The following XYLT1 variants were observed in gnomAD, a reference collection of about 807,000 sequenced individuals.
XYLT1 encodes the protein beta-D-xylosyltransferase 1.
XYLT1 carries 36 observed loss-of-function variants against 91.3 expected under a neutral mutation model. The ratio of observed to expected loss-of-function variants is 0.39; its 90% CI spans 0.30 to 0.52. The LOEUF (loss-of-function observed/expected upper bound fraction) is 0.52. Among genes scored for constraint, XYLT1 ranks in the 20% least tolerant of loss-of-function variants. The pLI is 0.68. For missense variants in XYLT1, 1,242 were observed against 1,284.5 expected, an observed-to-expected ratio of 0.97 and a Z score of 0.51; for synonymous variants, 588 against 532.0, an observed-to-expected ratio of 1.11 and a Z score of -1.45.
rs1434502967 is a variant in XYLT1 at position 17,154,225 on chromosome 16, C to A, written c.1370+4604G>T. Reference sequence around the variant, plus strand: ...AGGCATGGCCTGTCGAAGCCATTTGCTGACATCCCATGGCTGTGGTATAGA... The same window carrying A: ...AGGCATGGCCTGTCGAAGCCATTTGATGACATCCCATGGCTGTGGTATAGA... On this transcript the variant is annotated intron_variant, in intron 6 of 11. Transcript: ENST00000261381. 2.0e-5 allele frequency among the ~76,000 whole-genome samples: 3 copies of A among 152,192 alleles called. No individual in the cohort carries two copies. In the East Asian group the frequency reaches 5.8e-4, roughly 29 times the overall value.
At chr16:17,111,257 G>A (rs933361482) in intron 11 of XYLT1, among the ~76,000 whole-genome samples, 6 of 152,218 alleles carry the variant, frequency 3.9e-5, no homozygotes, top group African/African-American at 1.4e-4. Context: ...AGGGCTGCAC[G>A]ATGAGGAATC....
At chr16:17,338,523 TC>T (rs1165893725) in intron 2 of XYLT1, 11 of 456,072 alleles carry the variant, frequency 2.4e-5, no homozygotes, top group African/African-American at 1.8e-4. Context: ...ATATTGTATT[TC>T]TTGTGATTTT....
chr16:17,290,634 A>G (rs2034208775), intron 2 of XYLT1, among the ~76,000 whole-genome samples: 2 of 152,378 alleles, frequency 1.3e-5, no homozygotes, highest in Admixed American at 6.5e-5. Flanking sequence ...TGCAAATGAC[A>G]TGGGCTTTCT....
At chr16:17,448,773 A>T (rs890935530) in intron 1 of XYLT1, among the ~76,000 whole-genome samples, 20 of 152,024 alleles carry the variant, frequency 1.3e-4, no homozygotes, top group Non-Finnish European at 2.2e-4. Flanking sequence ...GAGGAAGAGG[A>T]GGAGGAAGCA....
At chr16:17,282,467 T>C (rs2034072402) in intron 2 of XYLT1, among the ~76,000 whole-genome samples, 1 of 152,274 alleles carries the variant, frequency 6.6e-6, no homozygotes, top group African/African-American at 2.4e-5. Flanking sequence ...ATAACAACAT[T>C]TGGTTTGCCT....
At chr16:17,430,534 T>G (rs1057288058) in intron 1 of XYLT1, among the ~76,000 whole-genome samples, 3 of 152,188 alleles carry the variant, frequency 2.0e-5, no homozygotes, top group Non-Finnish European at 2.9e-5. Context: ...CAGCAGAACA[T>G]TAAACCAAGT....
intron 10 of XYLT1, among the ~76,000 whole-genome samples, chr16:17,121,833 T>G (rs1013993697): frequency 1.3e-5 from 2 of 152,162 alleles, no homozygotes; most frequent in African/African-American, 4.8e-5. Flanking sequence ...CTCTTATGAG[T>G]GAGAACATAC....
intron 5 of XYLT1, among the ~76,000 whole-genome samples, chr16:17,160,476 A>G (rs1163144134): frequency 6.6e-6 from 1 of 152,172 alleles, no homozygotes. Context: ...GGGGGCACAA[A>G]GCAGTTAAGA....
chr16:17,383,895 C>T (rs775351390), intron 1 of XYLT1, among the ~76,000 whole-genome samples: 2 of 151,596 alleles, frequency 1.3e-5, no homozygotes, highest in African/African-American at 2.4e-5. Context: ...TTATAGGTGC[C>T]CGCCACCACG....
At chr16:17,430,136 C>T (rs2036372766) in intron 1 of XYLT1, among the ~76,000 whole-genome samples, 1 of 151,804 alleles carries the variant, frequency 6.6e-6, no homozygotes, top group African/African-American at 2.4e-5. Context: ...TGGGTTTCAC[C>T]ATGTTGGCCA....
intron 1 of XYLT1, among the ~76,000 whole-genome samples, chr16:17,411,122 T>C (rs1185745319): frequency 6.6e-6 from 1 of 152,226 alleles, no homozygotes; most frequent in African/African-American, 2.4e-5. Context: ...GGGCAAATTA[T>C]TCAACTCCCA....
chr16:17,138,592 G>A, intron 7 of XYLT1, 61 bp from the exon 8 acceptor site: 1 of 1,568,054 alleles, frequency 6.4e-7, no homozygotes, highest in Non-Finnish European at 8.7e-7. Flanking sequence ...ATGAACTGGG[G>A]TGGGAAATGG....
At chr16:17,298,181 A>G (rs1300367048) in intron 2 of XYLT1, among the ~76,000 whole-genome samples, 3 of 152,122 alleles carry the variant, frequency 2.0e-5, no homozygotes, top group African/African-American at 7.2e-5. Flanking sequence ...AACAAGTCAA[A>G]ATGAGTGTAA....
intron 5 of XYLT1, among the ~76,000 whole-genome samples, chr16:17,182,113 A>G (rs1347774594): frequency 6.6e-6 from 1 of 152,204 alleles, no homozygotes; most frequent in Non-Finnish European, 1.5e-5. Context: ...GCCCTCTCAC[A>G]GGTGAGAAAA....
intron 2 of XYLT1, among the ~76,000 whole-genome samples, chr16:17,270,344 C>T (rs1341131850): frequency 6.6e-6 from 1 of 152,222 alleles, no homozygotes; most frequent in Non-Finnish European, 1.5e-5. Flanking sequence ...GCAAAGCGTG[C>T]TCAGAGCCCA....
chr16:17,354,221 G>A (rs373315095), intron 2 of XYLT1, among the ~76,000 whole-genome samples: 3 of 152,216 alleles, frequency 2.0e-5, no homozygotes, highest in East Asian at 3.9e-4. Context: ...GCAGCCTGCC[G>A]AGCCGGGAAG....
chr16:17,163,590 C>G (rs995811377), intron 5 of XYLT1, among the ~76,000 whole-genome samples: 1 of 152,162 alleles, frequency 6.6e-6, no homozygotes, highest in Non-Finnish European at 1.5e-5. Context: ...TGCTCACAGC[C>G]CAACGGTGAG....
chr16:17,219,470 C>T (rs1178668671), intron 3 of XYLT1, among the ~76,000 whole-genome samples: 2 of 152,016 alleles, frequency 1.3e-5, no homozygotes, highest in Admixed American at 1.3e-4. Context: ...GAGGGGATAA[C>T]CATTATGCTG....
At chr16:17,142,616 T>C (rs1003055056) in intron 6 of XYLT1, among the ~76,000 whole-genome samples, 1 of 134,982 alleles carries the variant, frequency 7.4e-6, no homozygotes, top group African/African-American at 2.8e-5. Flanking sequence ...TTTTTTTTTG[T>C]ATTTTTAGTA....
Sources: gnomAD v4.1 joint callset for allele counts (sites outside exome capture counted in the v4.1 genomes callset) on GRCh38, gnomAD v4.1.1 for gene constraint, MANE v1.5 for transcripts, NCBI Gene and HGNC (gene_info 2026-07-23, HGNC 2026-07-21) for gene names.